Variants in FERRY3 observed in about 807,000 individuals in gnomAD.
FERRY3 encodes protein C12orf4.
chr12:4,507,501 C>G, the FERRY3 span, among the ~76,000 whole-genome samples: 1 of 150,368 alleles, frequency 6.7e-6, no homozygotes, highest in African/African-American at 2.5e-5. Context: ...AAATTATAAA[C>G]GTATGTGTCC....
chr12:4,524,463 T>C, the FERRY3 span, among the ~76,000 whole-genome samples: 2 of 151,830 alleles, frequency 1.3e-5, no homozygotes, highest in Non-Finnish European at 2.9e-5. Context: ...GAGCATGTCT[T>C]ATGTGCTAGT....
the FERRY3 span, among the ~76,000 whole-genome samples, chr12:4,513,982 C>T: frequency 6.6e-6 from 1 of 151,244 alleles, no homozygotes; most frequent in Non-Finnish European, 1.5e-5. Context: ...AGAAAATTTT[C>T]ACAACCTACT....
the FERRY3 span, chr12:4,534,303 CTGTTA>C: frequency 6.2e-7 from 1 of 1,606,430 alleles, no homozygotes; most frequent in South Asian, 1.1e-5. Context: ...TCTTTTAAGT[CTGTTA>C]CAGGGACATC....
the FERRY3 span, chr12:4,488,162 A>G: frequency 6.6e-6 from 1 of 152,212 alleles, no homozygotes; most frequent in African/African-American, 2.4e-5. This position sits in a 1 kb window ranked among gnomAD's most constrained non-coding sequence, Gnocchi z 4.9. Flanking sequence ...TTCACATGCC[A>G]AATAGTACCT....
chr12:4,518,808 C>T, the FERRY3 span: 2 of 1,591,110 alleles, frequency 1.3e-6, no homozygotes, highest in South Asian at 2.3e-5. Flanking sequence ...CTAACTTTCT[C>T]TGTTCCTCAT....
At chr12:4,525,356 G>T in the FERRY3 span, 1 of 1,612,694 alleles carries the variant, frequency 6.2e-7, no homozygotes, top group South Asian at 1.1e-5. Context: ...TAATTCATTC[G>T]ACCATTTATT....
the FERRY3 span, among the ~76,000 whole-genome samples, chr12:4,509,662 T>C: frequency 2.4e-3 from 349 of 143,186 alleles, 10 homozygotes; most frequent in Admixed American, 3.1e-3. Context: ...CGGCAGGGTA[T>C]TCCAACACAT....
At chr12:4,522,171 C>G in the FERRY3 span, among the ~76,000 whole-genome samples, 23 of 152,168 alleles carry the variant, frequency 1.5e-4, no homozygotes, top group African/African-American at 5.3e-4. Flanking sequence ...GGCGGTAAAT[C>G]TTAGTACCTT....
At chr12:4,494,504 TA>T in the FERRY3 span, among the ~76,000 whole-genome samples, 4 of 152,246 alleles carry the variant, frequency 2.6e-5, no homozygotes, top group African/African-American at 9.6e-5. Context: ...AATTAATTTT[TA>T]TATATGATAT....
chr12:4,531,793 C>A, the FERRY3 span, among the ~76,000 whole-genome samples: 1 of 152,208 alleles, frequency 6.6e-6, no homozygotes, highest in African/African-American at 2.4e-5. Context: ...AGCTTTGGCA[C>A]CAAGTTCAAA....
the FERRY3 span, among the ~76,000 whole-genome samples, chr12:4,506,993 G>A: frequency 6.6e-6 from 1 of 152,118 alleles, no homozygotes; most frequent in Non-Finnish European, 1.5e-5. Context: ...CTGACTCACT[G>A]AAACCACAAA....
At chr12:4,489,152 T>C in the FERRY3 span, 2 of 152,598 alleles carry the variant, frequency 1.3e-5, no homozygotes, top group African/African-American at 4.8e-5. Flanking sequence ...TCCCAGTCCA[T>C]GAAATGTTAT....
At chr12:4,490,518 A>G in the FERRY3 span, 5 of 1,596,780 alleles carry the variant, frequency 3.1e-6, no homozygotes, top group Middle Eastern at 1.7e-4. Flanking sequence ...TTCAGATAAC[A>G]TACCTGTGGT....
the FERRY3 span, chr12:4,490,612 G>T: frequency 6.3e-7 from 1 of 1,592,688 alleles, no homozygotes; most frequent in Non-Finnish European, 8.6e-7. Context: ...AACAGATGTT[G>T]CTGCATGACA....
At chr12:4,536,019 T>C in the FERRY3 span, 2 of 1,548,458 alleles carry the variant, frequency 1.3e-6, no homozygotes, top group African/African-American at 1.4e-5. Context: ...GTCCTCACCT[T>C]TTTCTATAAA....
chr12:4,526,891 TATATA>T, the FERRY3 span, among the ~76,000 whole-genome samples: 1 of 151,666 alleles, frequency 6.6e-6, no homozygotes, highest in Non-Finnish European at 1.5e-5. Context: ...CTGATTAAGA[TATATA>T]TATATGATAA....
At chr12:4,510,216 G>A in the FERRY3 span, among the ~76,000 whole-genome samples, 3 of 146,710 alleles carry the variant, frequency 2.0e-5, no homozygotes, top group Admixed American at 6.7e-5. Context: ...AAAGAAATGA[G>A]CAAAGCCTCC....
the FERRY3 span, among the ~76,000 whole-genome samples, chr12:4,529,043 A>T: frequency 6.6e-6 from 1 of 152,096 alleles, no homozygotes; most frequent in Non-Finnish European, 1.5e-5. Context: ...TGTTTTTAAG[A>T]TAATAAATAT....
the FERRY3 span, among the ~76,000 whole-genome samples, chr12:4,521,101 C>T: frequency 1.4e-4 from 21 of 152,150 alleles, no homozygotes; most frequent in Non-Finnish European, 2.5e-4. Context: ...TGGCTCATGC[C>T]TGTAATCCCA....
Sources: allele counts gnomAD v4.1 joint callset (sites outside exome capture counted in the v4.1 genomes callset), GRCh38; gene constraint gnomAD v4.1.1; non-coding constraint Gnocchi (gnomAD v3.1); transcripts MANE v1.5; gene names NCBI Gene and HGNC (gene_info 2026-07-23, HGNC 2026-07-21).